CNGB3: variants seen among roughly 807,000 people sequenced by gnomAD.
CNGB3 encodes cyclic nucleotide gated channel subunit beta 3.
A neutral mutation model predicts 92.8 loss-of-function variants in CNGB3; 86 were observed. The observed-to-expected ratio is 0.93, with a 90% confidence interval of 0.78 to 1.11. CNGB3 has a LOEUF of 1.11. CNGB3 is among the 50% of genes least tolerant of loss of function. The probability of loss-of-function intolerance (pLI) is 0.00; values close to 1 mark genes in which losing one functional copy is unlikely to be tolerated. For missense variants in CNGB3, 1,026 were observed against 956.8 expected (o/e 1.07, Z -0.95); for synonymous variants, 333 against 332.7 (o/e 1.00, Z -0.01).
intron 15 of CNGB3, among the ~76,000 whole-genome samples, chr8:86,601,853 G>A (rs1383655719): frequency 2.0e-5 from 3 of 152,172 alleles, no homozygotes; most frequent in East Asian, 1.9e-4. Context: ...TTTAAAGTTT[G>A]TCTGTTCTAC....
At chr8:86,632,973 T>A (rs1460615382) in intron 10 of CNGB3, 80 bp from the exon 11 acceptor site, 1 of 1,288,880 alleles carries the variant, frequency 7.8e-7, no homozygotes, top group African/African-American at 1.5e-5. Flanking sequence ...TATAGTACTA[T>A]TAAATTATAA....
chr8:86,662,972 T>C (rs913720557), intron 6 of CNGB3, among the ~76,000 whole-genome samples: 2 of 152,208 alleles, frequency 1.3e-5, no homozygotes, highest in Admixed American at 6.5e-5. Context: ...GTAAGTTTAG[T>C]TTCTTCAAGT....
chr8:86,635,859 T>TAC (rs1369264943), intron 10 of CNGB3, among the ~76,000 whole-genome samples: 154 of 70,394 alleles, frequency 2.2e-3, no homozygotes, highest in Non-Finnish European at 3.0e-3. Flanking sequence ...TATATATATA[T>TAC]ATATACACAT....
intron 3 of CNGB3, among the ~76,000 whole-genome samples, chr8:86,689,032 T>C (rs1824246192): frequency 6.6e-6 from 1 of 151,946 alleles, no homozygotes; most frequent in African/African-American, 2.4e-5. Flanking sequence ...TTTTTTTTTT[T>C]TATTAACCCA....
chr8:86,636,060 C>T (rs866779955), intron 10 of CNGB3, among the ~76,000 whole-genome samples: 2 of 151,538 alleles, frequency 1.3e-5, no homozygotes, highest in Non-Finnish European at 2.9e-5. Flanking sequence ...CACTCACATG[C>T]CCACTGCCTA....
chr8:86,628,775 C>T, intron 12 of CNGB3, 144 bp downstream of exon 12: 1 of 827,102 alleles, frequency 1.2e-6, no homozygotes, highest in African/African-American at 1.7e-5. Context: ...AAAAAAAAAA[C>T]CTGTAGCATT....
At chr8:86,703,018 A>G (rs1170231195) in intron 3 of CNGB3, among the ~76,000 whole-genome samples, 1 of 152,022 alleles carries the variant, frequency 6.6e-6, no homozygotes, top group Non-Finnish European at 1.5e-5. Context: ...CATGAAATCT[A>G]TTTGGGTTTT....
chr8:86,625,410 A>C (rs1309453064), intron 13 of CNGB3, among the ~76,000 whole-genome samples: 2 of 152,220 alleles, frequency 1.3e-5, no homozygotes, highest in African/African-American at 4.8e-5. Context: ...AGGAAATATT[A>C]GGTGAGAAAA....
intron 3 of CNGB3, among the ~76,000 whole-genome samples, chr8:86,703,377 C>A (rs1824591018): frequency 6.6e-6 from 1 of 152,072 alleles, no homozygotes; most frequent in South Asian, 2.1e-4. Context: ...AAAATAAGTG[C>A]TTTATGATAA....
chr8:86,600,714 A>T (rs1169984532), intron 15 of CNGB3, among the ~76,000 whole-genome samples: 1 of 134,246 alleles, frequency 7.4e-6, no homozygotes, highest in African/African-American at 2.9e-5. Context: ...GGTTCATGCT[A>T]TTCTCCTGCC....
rs1240775205 is a variant in CNGB3, at chr8:86,582,763, AT to A, written c.1782-3512del. On this transcript the variant is annotated intron_variant, in intron 15 of 17. Transcript: ENST00000320005. The stretch of plus-strand genomic sequence containing the variant: ...TCAAAAGTAAAGAAGAAACAAAGTC[AT>A]TGTCAGAAAAACAAAAACAGAGGGA... Among the ~76,000 whole-genome samples, 3 of 152,324 alleles carry A rather than the reference AT, an allele frequency of 2.0e-5. No individual in the cohort carries two copies. In the East Asian group the frequency reaches 5.8e-4, roughly 29 times the overall value.
chr8:86,672,472 C>T (rs1268182656), intron 3 of CNGB3, among the ~76,000 whole-genome samples: 1 of 152,190 alleles, frequency 6.6e-6, no homozygotes, highest in Non-Finnish European at 1.5e-5. Flanking sequence ...GATACTTCAT[C>T]AAGACCTGAG....
chr8:86,657,279 T>C (rs1823528444), intron 6 of CNGB3: 1 of 277,412 alleles, frequency 3.6e-6, no homozygotes, highest in African/African-American at 2.3e-5. Context: ...CTTACCTTGC[T>C]CCTCTAAGGA....
At chr8:86,588,264 T>A (rs4574863) in intron 15 of CNGB3, among the ~76,000 whole-genome samples, 23,226 of 136,722 alleles carry the variant, frequency 0.17, 2,318 homozygotes, top group African/African-American at 0.36. Context: ...TTTCTAGATA[T>A]ACAATCATGT....
intron 2 of CNGB3, among the ~76,000 whole-genome samples, chr8:86,730,275 G>A (rs1023964630): frequency 6.6e-6 from 1 of 152,198 alleles, no homozygotes. Context: ...CATTTTATCA[G>A]TGACATTACA....
rs1475427899 is a variant in CNGB3, at chr8:86,743,560, C to A, written c.68G>T (p.Ser23Ile). 3 of 1,613,896 alleles carry A rather than the reference C, an allele frequency of 1.9e-6. No homozygotes were observed. Among genetic ancestry groups the A allele is most frequent in the African/African-American group, 1.3e-5 (1 of 74,914 alleles). Reference sequence around the variant, plus strand: ...AGAGCCTTCTTCATTCCGACGAGAACTTTGTTCATTCTCATTGTTCTCTCC... The same window carrying A: ...AGAGCCTTCTTCATTCCGACGAGAAATTTGTTCATTCTCATTGTTCTCTCC... The part of the protein sequence containing the change: ...PIGENNENEQ[S>I]SRRNEEGSHP... The change falls in exon 1 of 18, where the codon AGT becomes ATT. Residue 23 changes from serine (S) to isoleucine (I), a missense_variant. Physicochemically the swap from Ser to Ile is moderately radical, Grantham distance 142 (BLOSUM62 -2). Transcript: ENST00000320005.
At chr8:86,600,269 C>A (rs1822263654) in intron 15 of CNGB3, among the ~76,000 whole-genome samples, 1 of 152,174 alleles carries the variant, frequency 6.6e-6, no homozygotes, top group African/African-American at 2.4e-5. Context: ...ACAATTCATA[C>A]ATTTAATCAC....
intron 15 of CNGB3, among the ~76,000 whole-genome samples, chr8:86,588,542 G>T (rs1314800504): frequency 6.6e-6 from 1 of 151,398 alleles, no homozygotes; most frequent in East Asian, 1.9e-4. Flanking sequence ...AGAGTTTTTA[G>T]CATGAAGGTT....
intron 15 of CNGB3, chr8:86,594,263 T>A: frequency 3.8e-6 from 1 of 260,800 alleles, no homozygotes; most frequent in South Asian, 4.1e-5. Flanking sequence ...CTGGGTGAGC[T>A]TTCGGATGCC....
Sources: gnomAD v4.1 joint callset for allele counts (sites outside exome capture counted in the v4.1 genomes callset) on GRCh38, gnomAD v4.1.1 for gene constraint, MANE v1.5 for transcripts, NCBI Gene and HGNC (gene_info 2026-07-23, HGNC 2026-07-21) for gene names.